ZNF225: variants seen among roughly 807,000 people sequenced by gnomAD.
The protein encoded by ZNF225 is zinc finger protein 225.
Under a neutral mutation model 12.0 loss-of-function variants are expected in ZNF225, and 6 were observed. That is an observed-to-expected ratio of 0.50 (90% CI 0.27 to 0.98). ZNF225 has a LOEUF of 0.98. Among genes scored for constraint, ZNF225 ranks in the 50% least tolerant of loss-of-function variants. ZNF225 has a pLI of 0.11. For synonymous variants in ZNF225, 271 were observed against 283.2 expected, an observed-to-expected ratio of 0.96 and a Z score of 0.43; for missense variants, 763 against 848.2, an observed-to-expected ratio of 0.90 and a Z score of 1.25.
intron 1 of ZNF225, chr19:44,114,080 G>C (rs963425776): frequency 1.3e-5 from 6 of 462,006 alleles, no homozygotes; most frequent in African/African-American, 1.0e-4. Flanking sequence ...TTCCAGGAGG[G>C]GAGAGGAGCA....
intron 2 of ZNF225, 66 bp from the exon 3 acceptor site, chr19:44,118,122 C>T: frequency 6.5e-7 from 1 of 1,543,636 alleles, no homozygotes; most frequent in South Asian, 1.3e-5. Context: ...TCTGTCTGCT[C>T]AGTGCCACCC....
chr19:44,125,909 A>G (rs771167601), intron 4 of ZNF225, among the ~76,000 whole-genome samples: 10 of 151,808 alleles, frequency 6.6e-5, no homozygotes, highest in Non-Finnish European at 1.3e-4. Flanking sequence ...TATTTAAGCT[A>G]TCTATTTCCT....
intron 4 of ZNF225, among the ~76,000 whole-genome samples, chr19:44,122,356 G>A (rs1599676438): frequency 6.6e-6 from 1 of 152,128 alleles, no homozygotes; most frequent in Non-Finnish European, 1.5e-5. Context: ...TTTGGTCTAT[G>A]TGCCTATTTT....
chr19:44,129,858 G>C (rs1241045937), intron 4 of ZNF225: 1 of 152,138 alleles, frequency 6.6e-6, no homozygotes, highest in Non-Finnish European at 1.5e-5. Flanking sequence ...CATCACCCAG[G>C]CCTCTTTGTG....
chr19:44,116,947 CAGT>C (rs1302474835), intron 2 of ZNF225, among the ~76,000 whole-genome samples: 5 of 131,562 alleles, frequency 3.8e-5, no homozygotes, highest in South Asian at 2.6e-4. Context: ...TTTAAATAAA[CAGT>C]AGTAAAATCT....
intron 2 of ZNF225, among the ~76,000 whole-genome samples, chr19:44,117,850 C>T (rs1253225050): frequency 1.3e-5 from 2 of 152,044 alleles, no homozygotes; most frequent in South Asian, 2.1e-4. Flanking sequence ...GAAACCCCAT[C>T]TCTATTAAAA....
At chr19:44,126,423 C>T (rs1449623173) in intron 4 of ZNF225, among the ~76,000 whole-genome samples, 2 of 152,146 alleles carry the variant, frequency 1.3e-5, no homozygotes, top group East Asian at 1.9e-4. Flanking sequence ...TAGATATCAG[C>T]GCCTGTTCCA....
chr19:44,117,325 A>G (rs7259662), intron 2 of ZNF225, among the ~76,000 whole-genome samples: 7,957 of 152,298 alleles, frequency 0.052, 701 homozygotes, highest in African/African-American at 0.18. Context: ...TCTGCAGATC[A>G]TAGATCAATG....
At chr19:44,129,311 C>G (rs1302132727) in intron 4 of ZNF225, 1 of 381,114 alleles carries the variant, frequency 2.6e-6, no homozygotes, top group African/African-American at 2.1e-5. Flanking sequence ...TCAGTGGTTT[C>G]CCCAAATTAT....
chr19:44,115,842 G>C lies in ZNF225; in HGVS notation c.15G>C (p.Lys5Asn), dbSNP rs761674619. The change falls in exon 2 of 5, where the codon AAG (lysine) becomes AAC (asparagine). Residue 5 changes from lysine to asparagine, a missense_variant and splice_region_variant. Physicochemically the swap from Lys to Asn is moderately conservative, Grantham distance 94. Coordinates refer to ENST00000262894, the MANE Select transcript of ZNF225 (RefSeq NM_013362.4). ...TAGGAGGAAAAATGACCACGTTGAA[G>C]GTGAGTAGAGCTTGCCTCTCTTGCT... is the stretch of plus-strand genomic sequence containing the variant. MTTL[K>N]EAVTFKDVAV... The C allele has an allele frequency of 6.8e-6, 11 of 1,612,788 alleles. No individual in the cohort carries two copies. The South Asian group carries it at 1.2e-4, about 18-fold the overall frequency.
intron 1 of ZNF225, chr19:44,114,139 T>C: frequency 1.2e-6 from 1 of 845,064 alleles, no homozygotes; most frequent in Non-Finnish European, 1.9e-6. Context: ...TTTCACAGCC[T>C]TCTCCTTACC....
At chr19:44,124,244 A>T (rs1048487254) in intron 4 of ZNF225, among the ~76,000 whole-genome samples, 1 of 152,098 alleles carries the variant, frequency 6.6e-6, no homozygotes, top group East Asian at 1.9e-4. Flanking sequence ...ATAATTTTTT[A>T]ATTTCTATCT....
chr19:44,130,694 C>G lies in ZNF225; in HGVS notation c.236-156C>G. 8.5e-5 allele frequency: 28 copies of G among 329,470 alleles called. 1 individual carries two copies. Among genetic ancestry groups the G allele is most frequent in the South Asian group, 8.1e-4 (28 of 34,594 alleles). 20.4% of individuals were successfully genotyped at this position (329,470 alleles called of 1,614,324 possible). A position where few individuals can be genotyped will look rare whatever the true frequency, so the allele number is the denominator to read the frequency against. Reference sequence around the variant, plus strand: ...CCAGCCTGGGGGACAGAGCGAGACTCCATCTCAAAAAAAAAAAAAAAAAAA... The same window carrying G: ...CCAGCCTGGGGGACAGAGCGAGACTGCATCTCAAAAAAAAAAAAAAAAAAA... On this transcript the variant is annotated intron_variant, in intron 4 of 4. Coordinates refer to ENST00000262894, the MANE Select transcript of ZNF225 (RefSeq NM_013362.4).
Position 44,132,411 on chromosome 19 carries a change from A to T in ZNF225, c.1797A>T (p.Glu599Asp). 1 of 1,614,150 alleles carries T rather than the reference A, an allele frequency of 6.2e-7. No homozygotes were observed. The highest frequency in any genetic ancestry group is 8.5e-7 in the Non-Finnish European group (1 of 1,180,014). Residue 599 changes from glutamate to aspartate, a missense_variant, in exon 5 of 5, where the codon GAA (glutamate) becomes GAT (aspartate). Coordinates refer to ENST00000262894, the MANE Select transcript of ZNF225 (RefSeq NM_013362.4). ...GTGATGAAAAGCCATTCAAATGTGA[A>T]GAGTGTGGGAAGAGATTTACTGAGA... The part of the protein sequence containing the change: ...LHGDEKPFKC[E>D]ECGKRFTENS...
At chr19:44,130,123 GCA>G (rs1263585388) in intron 4 of ZNF225, 1 of 152,296 alleles carries the variant, frequency 6.6e-6, no homozygotes, top group Admixed American at 6.5e-5. Context: ...CATTGGCTGG[GCA>G]CAGTGGCTCA....
Position 44,131,203 on chromosome 19 carries a change from G to A in ZNF225, c.589G>A (p.Val197Ile), listed in dbSNP as rs1157943727. 2 of 1,614,208 alleles carry A rather than the reference G, an allele frequency of 1.2e-6. No individual in the cohort carries two copies. Among genetic ancestry groups the A allele is most frequent in the East Asian group, 2.2e-5 (1 of 44,884 alleles). ...CTCAGCTCTTCGTATTCATCAGAGA[G>A]TTCACATGGGGGAGAAACTCTATAA... Reference protein sequence around the residue: ...YSSALRIHQRVHMGEKLYNCD... With the variant: ...YSSALRIHQRIHMGEKLYNCD... Residue 197 changes from valine to isoleucine, a missense_variant, in exon 5 of 5, where the codon GTT (valine) becomes ATT (isoleucine). Val to Ile is a conservative substitution (Grantham distance 29, BLOSUM62 3). Transcript: ENST00000262894.
In ZNF225 at chr19:44,134,226, T is replaced by G. The variant is rs1409269981; in HGVS notation, c.*1491T>G. 6.6e-6 allele frequency: 1 copy of G among 152,226 alleles called. No individual in the cohort carries two copies. The highest frequency in any genetic ancestry group is 1.5e-5 in the Non-Finnish European group (1 of 68,040). The allele number at this position is 152,226 out of a possible 1,614,324, so 9.4% of individuals were successfully genotyped here. Reference sequence around the variant, plus strand: ...AATTCCTCCAGTATTGAATTGTGACTGTACTTGTGAAATGTCTACAATGGA... The same window carrying G: ...AATTCCTCCAGTATTGAATTGTGACGGTACTTGTGAAATGTCTACAATGGA... On this transcript the variant is annotated 3_prime_UTR_variant, in exon 5 of 5. Coordinates refer to ENST00000262894, the MANE Select transcript of ZNF225 (RefSeq NM_013362.4).
intron 4 of ZNF225, among the ~76,000 whole-genome samples, chr19:44,124,695 C>T (rs906553827): frequency 1.6e-4 from 25 of 152,046 alleles, no homozygotes; most frequent in Middle Eastern, 3.2e-3. Context: ...TTTGGGAGTT[C>T]CAGTGTTAGG....
At chr19:44,123,969 TTTTTG>T (rs146895973) in intron 4 of ZNF225, among the ~76,000 whole-genome samples, 12,245 of 151,790 alleles carry the variant, frequency 0.081, 1,575 homozygotes, top group African/African-American at 0.27. Context: ...TCTTTTGTAT[TTTTTG>T]TTTTGTTTTG....
Sources: gnomAD v4.1 joint callset for allele counts (sites outside exome capture counted in the v4.1 genomes callset) on GRCh38, gnomAD v4.1.1 for gene constraint, MANE v1.5 for transcripts, NCBI Gene and HGNC (gene_info 2026-07-23, HGNC 2026-07-21) for gene names.